Variants in TRMT9B observed in about 807,000 individuals in gnomAD.
TRMT9B encodes the protein tRNA methyltransferase 9B (putative).
A neutral mutation model predicts 11.5 loss-of-function variants in TRMT9B; 16 were observed. That is an observed-to-expected ratio of 1.39 (90% CI 0.94 to 2.11). TRMT9B has a LOEUF of 2.11. TRMT9B is among the 30% of genes most tolerant of loss of function. The pLI is 0.00. For missense variants in TRMT9B, 941 were observed against 553.8 expected, an observed-to-expected ratio of 1.70 and a Z score of -7.02; for synonymous variants, 274 against 192.4, an observed-to-expected ratio of 1.42 and a Z score of -3.51.
chr8:12,952,230 T>C (rs1047789516), intron 1 of TRMT9B: 4 of 446,018 alleles, frequency 9.0e-6, no homozygotes, highest in East Asian at 7.5e-5. Flanking sequence ...ATGGTCTGCA[T>C]AGGGGAGCGG....
intron 2 of TRMT9B, among the ~76,000 whole-genome samples, chr8:12,993,704 T>G (rs1475531150): frequency 6.6e-6 from 1 of 152,142 alleles, no homozygotes; most frequent in African/African-American, 2.4e-5. Context: ...CCAGTCAGAG[T>G]CCCTTCATCC....
chr8:12,965,881 C>G (rs777638751), intron 1 of TRMT9B, among the ~76,000 whole-genome samples: 1 of 151,264 alleles, frequency 6.6e-6, no homozygotes, highest in African/African-American at 2.4e-5. Context: ...GGTGTGGTGG[C>G]GGGCACCTGT....
At chr8:13,002,276 C>G (rs952020673) in intron 2 of TRMT9B, among the ~76,000 whole-genome samples, 3 of 152,212 alleles carry the variant, frequency 2.0e-5, no homozygotes, top group Admixed American at 6.5e-5. Flanking sequence ...TTAACATTTC[C>G]AAGTGCAACA....
chr8:12,992,775 A>G (rs1347779179), intron 2 of TRMT9B, among the ~76,000 whole-genome samples: 1 of 152,112 alleles, frequency 6.6e-6, no homozygotes, highest in Non-Finnish European at 1.5e-5. Flanking sequence ...AGGCTGAGGC[A>G]GGAGAATTGC....
chr8:12,955,355 G>C (rs1206971038), intron 1 of TRMT9B, among the ~76,000 whole-genome samples: 1 of 152,122 alleles, frequency 6.6e-6, no homozygotes, highest in Non-Finnish European at 1.5e-5. Context: ...GAGGGCACTT[G>C]AGGAGTTTGG....
At chr8:12,946,863 T>C (rs573824572) in intron 1 of TRMT9B, among the ~76,000 whole-genome samples, 1 of 152,166 alleles carries the variant, frequency 6.6e-6, no homozygotes, top group African/African-American at 2.4e-5. Flanking sequence ...CTATTCCCAA[T>C]GCCAGGAAGT....
At chr8:12,956,951 G>A (rs192454850) in intron 1 of TRMT9B, among the ~76,000 whole-genome samples, 195 of 152,296 alleles carry the variant, frequency 1.3e-3, no homozygotes, top group Non-Finnish European at 2.1e-3. Context: ...TCAAGGGATG[G>A]TCTTGATTAT....
At chr8:12,947,672 T>C (rs1239494657) in intron 1 of TRMT9B, among the ~76,000 whole-genome samples, 1 of 152,216 alleles carries the variant, frequency 6.6e-6, no homozygotes, top group Non-Finnish European at 1.5e-5. Flanking sequence ...AGTAAAATAA[T>C]GGTCAAAAGC....
chr8:12,968,484 G>C (rs545232467), intron 1 of TRMT9B, among the ~76,000 whole-genome samples: 1 of 152,226 alleles, frequency 6.6e-6, no homozygotes, highest in African/African-American at 2.4e-5. Flanking sequence ...GAGCTACATA[G>C]TTTTAAATAA....
chr8:12,991,371 T>C (rs1408486510), intron 2 of TRMT9B, among the ~76,000 whole-genome samples: 1 of 152,216 alleles, frequency 6.6e-6, no homozygotes, highest in Non-Finnish European at 1.5e-5. Context: ...TGAAGTTGCA[T>C]GTATTAAAAA....
At position 13,028,099 on chromosome 8, in the gene TRMT9B, C is replaced by T. The variant is rs1242040578; in HGVS notation, c.*6055C>T. 2 of 167,148 alleles carry T rather than the reference C, an allele frequency of 1.2e-5. No individual in the cohort carries two copies. Among genetic ancestry groups the T allele is most frequent in the South Asian group, 2.1e-4 (1 of 4,828 alleles). 10.4% of individuals were successfully genotyped at this position (167,148 alleles called of 1,614,324 possible). A position where few individuals can be genotyped will look rare whatever the true frequency, so the allele number is the denominator to read the frequency against. ...TAGCTGAATTGTTCTATTTTTAATT[C>T]CCCAGGGATCCTACGGTCTATGACA... On this transcript the variant is annotated 3_prime_UTR_variant, in exon 5 of 5. Coordinates refer to ENST00000524591, the MANE Select transcript of TRMT9B (RefSeq NM_020844.3).
At chr8:12,983,764 C>T (rs750841678) in intron 1 of TRMT9B, among the ~76,000 whole-genome samples, 3 of 152,110 alleles carry the variant, frequency 2.0e-5, no homozygotes, top group Non-Finnish European at 4.4e-5. Flanking sequence ...GATGTTGCTT[C>T]TTGCCTCAAA....
intron 4 of TRMT9B, among the ~76,000 whole-genome samples, chr8:13,016,243 A>AAATATATATTATATATT (rs1812669851): frequency 6.9e-6 from 1 of 144,514 alleles, no homozygotes; most frequent in African/African-American, 2.6e-5. Context: ...TATTATATAT[A>AAATATATATTATATATT]AAATATAAAT....
chr8:12,947,275 C>A (rs117413812), intron 1 of TRMT9B, among the ~76,000 whole-genome samples: 1 of 152,170 alleles, frequency 6.6e-6, no homozygotes. Flanking sequence ...TTTCTTCCTG[C>A]AATCTGAAGT....
intron 2 of TRMT9B, among the ~76,000 whole-genome samples, chr8:13,001,941 A>G (rs533184620): frequency 6.6e-6 from 1 of 152,204 alleles, no homozygotes; most frequent in Non-Finnish European, 1.5e-5. Flanking sequence ...TAGCTTAGTC[A>G]CACTTTCAAA....
At chr8:12,978,214 C>T (rs887249803) in intron 1 of TRMT9B, among the ~76,000 whole-genome samples, 1 of 152,182 alleles carries the variant, frequency 6.6e-6, no homozygotes, top group East Asian at 1.9e-4. Context: ...TCATCAAACA[C>T]TTCGATTTAT....
At chr8:12,985,527 C>T (rs1806150244) in intron 1 of TRMT9B, among the ~76,000 whole-genome samples, 1 of 152,152 alleles carries the variant, frequency 6.6e-6, no homozygotes, top group South Asian at 2.1e-4. Context: ...ATATGCTTAC[C>T]CCAGGCTGTG....
intron 1 of TRMT9B, chr8:12,960,487 T>C (rs1585090156): frequency 6.6e-6 from 1 of 152,156 alleles, no homozygotes; most frequent in South Asian, 2.1e-4. Context: ...AACAGGCAAC[T>C]CCACACAGAA....
chr8:13,021,363 T>C lies in TRMT9B; in HGVS notation c.684T>C (p.Asn228=). 6.2e-7 allele frequency: 1 copy of C among 1,614,046 alleles called. No individual in the cohort carries two copies. The part of the protein sequence containing the change: ...EPAMARTCFA[N]ISKEGEEEYG... The stretch of plus-strand genomic sequence containing the variant: ...CTATGGCAAGAACCTGTTTTGCAAA[T>C]ATTTCTAAGGAAGGCGAGGAAGAAT... Residue 228 remains asparagine, a synonymous_variant, in exon 5 of 5, where the codon AAT becomes AAC. Transcript: ENST00000524591.
Sources: gnomAD v4.1 joint callset for allele counts (sites outside exome capture counted in the v4.1 genomes callset) on GRCh38, gnomAD v4.1.1 for gene constraint, MANE v1.5 for transcripts, NCBI Gene and HGNC (gene_info 2026-07-23, HGNC 2026-07-21) for gene names.